The following DNMT3B variants were observed in gnomAD, a reference collection of about 807,000 sequenced individuals.
The protein encoded by DNMT3B is DNA (cytosine-5)-methyltransferase 3B.
DNMT3B carries 37 observed loss-of-function variants against 120.2 expected under a neutral mutation model. That is an observed-to-expected ratio of 0.31 (90% CI 0.24 to 0.40). The LOEUF is 0.40. DNMT3B is among the 10% of genes least tolerant of loss of function. DNMT3B has a pLI of 1.00. For synonymous variants in DNMT3B, 412 were observed against 442.8 expected (o/e 0.93, Z 0.87); for missense variants, 878 against 1,137.3 (o/e 0.77, Z 3.28).
intron 20 of DNMT3B, among the ~76,000 whole-genome samples, chr20:32,803,229 T>A (rs144421600): frequency 7.6e-4 from 116 of 152,356 alleles, no homozygotes; most frequent in Admixed American, 2.3e-3. Context: ...TTCTTCTATA[T>A]GTGGTTTCAA....
chr20:32,788,957 A>G lies in DNMT3B; in HGVS notation c.758A>G (p.Gln253Arg), dbSNP rs779489353. 7 of 1,614,082 alleles carry G rather than the reference A, an allele frequency of 4.3e-6. No individual in the cohort carries two copies. In the African/African-American group the frequency reaches 8.0e-5, roughly 18 times the overall value. ...VVSWKATSKR[Q>R]AMSGMRWVQW... ...TCTTGGAAGGCCACCTCCAAGCGAC[A>G]GGCTATGTCTGGCATGCGGTGGGTC... The change falls in exon 7 of 23, where the codon CAG (glutamine) becomes CGG (arginine). Residue 253 changes from glutamine to arginine, a missense_variant. This residue lies in a region of DNMT3B where 50 missense variants were observed against 89.7 expected (regional missense o/e 0.56). Transcript: ENST00000328111.
At chr20:32,764,649 A>T (rs1324119185) in intron 1 of DNMT3B, among the ~76,000 whole-genome samples, 1 of 152,190 alleles carries the variant, frequency 6.6e-6, no homozygotes, top group Non-Finnish European at 1.5e-5. Context: ...CCTCCCGGCC[A>T]CGCATGGGGG....
intron 1 of DNMT3B, among the ~76,000 whole-genome samples, chr20:32,765,476 A>G (rs914828343): frequency 1.1e-4 from 16 of 140,816 alleles, no homozygotes; most frequent in Non-Finnish European, 2.4e-4. Flanking sequence ...GCTGGAGTGC[A>G]GTGGTGTGAT....
rs754924547 is a variant in DNMT3B, at chr20:32,809,235, C to T, written c.*1332C>T. On this transcript the variant is annotated 3_prime_UTR_variant, in exon 23 of 23. Transcript: ENST00000328111. ...AAAATTTTTTTTGTAACTGGAGCCA[C>T]GACGTAACAAATATGGGGAAAAAAC... 5.0e-5 allele frequency: 11 copies of T among 218,714 alleles called. No individual in the cohort carries two copies. Among genetic ancestry groups the T allele is most frequent in the East Asian group, 1.4e-4 (2 of 14,736 alleles). The allele number at this position is 218,714 out of a possible 1,614,324, so 13.5% of individuals were successfully genotyped here.
chr20:32,781,338 C>T lies in DNMT3B; in HGVS notation c.143-15C>T. 1 of 1,614,092 alleles carries T rather than the reference C, an allele frequency of 6.2e-7. No homozygotes were observed. The highest frequency in any genetic ancestry group is 1.6e-4 in the Middle Eastern group (1 of 6,062). ...CTGCCCCCACAAAACAGACTCCTGG[C>T]TGTTTCCTCTACAGGCCGAAGATCA... On this transcript the variant is annotated splice_polypyrimidine_tract_variant and intron_variant, in intron 2 of 22. Coordinates refer to ENST00000328111, the MANE Select transcript of DNMT3B (RefSeq NM_006892.4).
At chr20:32,788,253 A>G (rs900631626) in intron 6 of DNMT3B, among the ~76,000 whole-genome samples, 31 of 152,148 alleles carry the variant, frequency 2.0e-4, no homozygotes, top group Non-Finnish European at 3.1e-4. Flanking sequence ...TACTGTATAT[A>G]TTGTACGTAT....
In DNMT3B at chr20:32,784,847, A is replaced by G. The variant is rs1426426858; in HGVS notation, c.294A>G (p.Ser98=). The change falls in exon 4 of 23, where the codon TCA becomes TCG. Residue 98 remains serine (S), a synonymous_variant. Transcript: ENST00000328111. Reference sequence around the variant, plus strand: ...TCTTCCGGGAAACCAGGACTCGTTCAGAAAGCCCAGCTGTAAGTAGCCACA... The same window carrying G: ...TCTTCCGGGAAACCAGGACTCGTTCGGAAAGCCCAGCTGTAAGTAGCCACA... ...PKLFRETRTR[S]ESPAVRTRNN... is the part of the protein sequence containing the mutation. The G allele has an allele frequency of 1.2e-6, 2 of 1,614,130 alleles. No homozygotes were observed. The highest frequency in any genetic ancestry group is 3.3e-5 in the Admixed American group (2 of 60,016).
At chr20:32,795,090 C>A (rs1044487347) in intron 10 of DNMT3B, among the ~76,000 whole-genome samples, 1 of 152,256 alleles carries the variant, frequency 6.6e-6, no homozygotes, top group African/African-American at 2.4e-5. Context: ...TACTGCCCAG[C>A]ATGTCAGATA....
Position 32,801,432 on chromosome 20 carries a change from G to A in DNMT3B, c.2145+6G>A, listed in dbSNP as rs751273219. The A allele has an allele frequency of 3.7e-6, 6 of 1,613,844 alleles. No individual in the cohort carries two copies. The South Asian group carries it at 5.5e-5, about 15-fold the overall frequency. ...ACATCTCACGGTTCCTGGAGGTGAG[G>A]GAATCTGGGGACCTGATTGTCACAG... On this transcript the variant is annotated splice_donor_region_variant and intron_variant, in intron 19 of 22. Coordinates refer to ENST00000328111, the MANE Select transcript of DNMT3B (RefSeq NM_006892.4).
intron 20 of DNMT3B, among the ~76,000 whole-genome samples, chr20:32,804,912 C>T (rs540974904): frequency 3.9e-5 from 6 of 152,162 alleles, no homozygotes; most frequent in East Asian, 1.9e-4. Context: ...GCCACCAAAC[C>T]GTGGGTGTGA....
chr20:32,789,608 G>A (rs777649787), intron 7 of DNMT3B, among the ~76,000 whole-genome samples: 2 of 152,022 alleles, frequency 1.3e-5, no homozygotes, highest in Non-Finnish European at 2.9e-5. Flanking sequence ...TTTTGGGGGC[G>A]GTGAGAATGG....
intron 1 of DNMT3B, among the ~76,000 whole-genome samples, chr20:32,775,968 A>G (rs6087999): frequency 0.54 from 82,100 of 152,116 alleles, 24,469 homozygotes; most frequent in East Asian, 0.92. Flanking sequence ...GGCTGGGTGC[A>G]GTGGCTCACG....
intron 9 of DNMT3B, 72 bp downstream of exon 9, chr20:32,792,842 C>A: frequency 6.3e-7 from 1 of 1,596,642 alleles, no homozygotes; most frequent in Non-Finnish European, 8.5e-7. Context: ...AGTCAGCCAC[C>A]CCTGCTGCCC....
intron 7 of DNMT3B, among the ~76,000 whole-genome samples, chr20:32,789,883 C>T (rs1347016824): frequency 2.0e-5 from 3 of 152,230 alleles, no homozygotes; most frequent in African/African-American, 7.2e-5. Flanking sequence ...GGAGCCACCA[C>T]GCCTGGCCTC....
chr20:32,780,027 A>G, intron 1 of DNMT3B: 1 of 1,537,590 alleles, frequency 6.5e-7, no homozygotes, highest in Non-Finnish European at 8.9e-7. Context: ...GGCTAATTGC[A>G]CAGAGCAGTC....
intron 1 of DNMT3B, among the ~76,000 whole-genome samples, chr20:32,767,003 G>C (rs1003709046): frequency 6.6e-6 from 1 of 152,046 alleles, no homozygotes; most frequent in Non-Finnish European, 1.5e-5. Context: ...TGATTCTCCT[G>C]CGTCAGCCTC....
intron 17 of DNMT3B, 48 bp downstream of exon 17, chr20:32,800,346 C>T (rs542208079): frequency 2.5e-6 from 4 of 1,612,472 alleles, no homozygotes; most frequent in African/African-American, 2.7e-5. Flanking sequence ...CTGTCTTTTT[C>T]CCCAGTCCTC....
intron 22 of DNMT3B, among the ~76,000 whole-genome samples, chr20:32,806,741 T>G (rs1260347441): frequency 2.0e-5 from 3 of 152,214 alleles, no homozygotes; most frequent in South Asian, 4.1e-4. Context: ...TTGGGCTAAG[T>G]TTGTCTGTTT....
intron 1 of DNMT3B, among the ~76,000 whole-genome samples, chr20:32,769,244 T>C (rs761243416): frequency 6.6e-6 from 1 of 152,104 alleles, no homozygotes; most frequent in Non-Finnish European, 1.5e-5. Context: ...CCCGCCACCT[T>C]GCCCGGCTAA....
Sources: gnomAD v4.1 joint callset for allele counts (sites outside exome capture counted in the v4.1 genomes callset) on GRCh38, gnomAD v4.1.1 for gene constraint, gnomAD v4.1.1 regional missense constraint, MANE v1.5 for transcripts, NCBI Gene and HGNC (gene_info 2026-07-23, HGNC 2026-07-21) for gene names.